The following MKX variants were observed in gnomAD, a reference collection of about 807,000 sequenced individuals.
MKX encodes the protein mohawk homeobox.
MKX carries 13 observed loss-of-function variants against 36.0 expected under a neutral mutation model. The observed-to-expected ratio is 0.36, with a 90% CI of 0.24 to 0.57. MKX has a LOEUF of 0.57. Ranked by LOEUF, MKX falls within the 20% of genes least tolerant of loss-of-function variation. The pLI is 0.79. For synonymous variants in MKX, 176 were observed against 178.3 expected, an observed-to-expected ratio of 0.99 and a Z score of 0.10; for missense variants, 458 against 456.4, an observed-to-expected ratio of 1.00 and a Z score of -0.03.
At chr10:27,694,271 G>A (rs1228105591) in intron 5 of MKX, among the ~76,000 whole-genome samples, 1 of 152,062 alleles carries the variant, frequency 6.6e-6, no homozygotes, top group Non-Finnish European at 1.5e-5. Flanking sequence ...GCAGAAAGCT[G>A]TGCAAAAGAG....
chr10:27,687,007 CTCT>C (rs748521027), intron 5 of MKX, among the ~76,000 whole-genome samples: 61 of 69,870 alleles, frequency 8.7e-4, no homozygotes, highest in Non-Finnish European at 3.8e-3. Context: ...CCACACCTCT[CTCT>C]TTTTTTTTTT....
intron 5 of MKX, among the ~76,000 whole-genome samples, chr10:27,717,006 G>A (rs1386731387): frequency 6.6e-6 from 1 of 152,152 alleles, no homozygotes; most frequent in Non-Finnish European, 1.5e-5. Flanking sequence ...AGTCAGAGAG[G>A]TTCAAGCCTG....
chr10:27,697,253 ACAATGTAT>A (rs1194551710), intron 5 of MKX, among the ~76,000 whole-genome samples: 1 of 152,218 alleles, frequency 6.6e-6, no homozygotes, highest in Admixed American at 6.5e-5. Flanking sequence ...TAATCACATT[ACAATGTAT>A]CTGAAATTAT....
In MKX at chr10:27,744,592, C is replaced by T. The variant is rs1589704278; in HGVS notation, c.-82-1095G>A. On this transcript the variant is annotated intron_variant, in intron 1 of 6. Coordinates refer to ENST00000419761, the MANE Select transcript of MKX (RefSeq NM_173576.3). The surrounding 1 kb of genome is among the most constrained non-coding windows in gnomAD (Gnocchi z 5.6). ...GGACTTCGCCCGCCCCATCTCCTCG[C>T]CTCGCGCCTCGGGACAGCTCCCGTT... 6.6e-6 allele frequency among the ~76,000 whole-genome samples: 1 copy of T among 152,154 alleles called. No individual in the cohort carries two copies. The highest frequency in any genetic ancestry group is 2.4e-5 in the African/African-American group (1 of 41,446).
Position 27,696,840 on chromosome 10 carries a change from A to G in MKX, c.839-21286T>C, listed in dbSNP as rs563520224. Among the ~76,000 whole-genome samples, 48 of 152,270 alleles carry G rather than the reference A, an allele frequency of 3.2e-4. 1 individual carries two copies. In the South Asian group the frequency reaches 1.0e-2, roughly 32 times the overall value. On this transcript the variant is annotated intron_variant, in intron 5 of 6. Transcript: ENST00000419761. The stretch of plus-strand genomic sequence containing the variant: ...GCTTGGAGACAAGTTTTAAATGTAA[A>G]GGTTCTTACTCAAGAAGAGTATGGC...
At chr10:27,699,369 T>C (rs5024546) in intron 5 of MKX, among the ~76,000 whole-genome samples, 16,952 of 151,974 alleles carry the variant, frequency 0.11, 1,061 homozygotes, top group East Asian at 0.29. Context: ...AAAAGAAACA[T>C]GTATGTTAAA....
chr10:27,739,631 C>T (rs11006695), intron 3 of MKX, among the ~76,000 whole-genome samples: 16,370 of 152,028 alleles, frequency 0.11, 1,035 homozygotes, highest in East Asian at 0.3. Flanking sequence ...AAAACCACTA[C>T]ATAAGAAAGT....
In MKX at chr10:27,675,268, T is replaced by C; in HGVS notation, c.1020A>G (p.Glu340=). The C allele has an allele frequency of 6.2e-7, 1 of 1,614,150 alleles. No homozygotes were observed. The highest frequency in any genetic ancestry group is 8.5e-7 in the Non-Finnish European group (1 of 1,180,014). The part of the protein sequence containing the change: ...CIIQKSSHIA[E]VKTVKVPLVQ... ...CCAGCGGCACTTTGACAGTCTTTAC[T>C]TCTGCTATATGGGACGACTTCTGGA... The change falls in exon 7 of 7, where the codon GAA becomes GAG. Residue 340 remains glutamate (E), a synonymous_variant. Transcript: ENST00000419761.
At chr10:27,695,866 G>C (rs1836544633) in intron 5 of MKX, among the ~76,000 whole-genome samples, 1 of 152,198 alleles carries the variant, frequency 6.6e-6, no homozygotes, top group Admixed American at 6.5e-5. Context: ...TGTGGGACAA[G>C]GGCTGGAAGC....
intron 5 of MKX, among the ~76,000 whole-genome samples, chr10:27,692,872 T>A (rs958171522): frequency 4.6e-5 from 7 of 152,182 alleles, no homozygotes; most frequent in African/African-American, 1.4e-4. Context: ...GCGAGGTAGC[T>A]GGAGCTACAT....
At chr10:27,723,776 T>G (rs994128693) in intron 5 of MKX, among the ~76,000 whole-genome samples, 2 of 152,170 alleles carry the variant, frequency 1.3e-5, no homozygotes, top group Non-Finnish European at 2.9e-5. Context: ...GACTCTGAAT[T>G]TTGGCCCTTA....
chr10:27,743,381 G>A lies in MKX; in HGVS notation c.35C>T (p.Ala12Val), dbSNP rs1834963649. 1.3e-6 allele frequency: 2 copies of A among 1,569,604 alleles called. No homozygotes were observed. The highest frequency in any genetic ancestry group is 1.7e-6 in the Non-Finnish European group (2 of 1,160,606). Residue 12 changes from alanine to valine, a missense_variant, in exon 2 of 7, where the codon GCG becomes GTG. Transcript: ENST00000419761. Reference protein sequence around the residue: ...NTIVFNKLSGAVLFEDGGASE... With the variant: ...NTIVFNKLSGVVLFEDGGASE... ...GGCGCCTCCGTCCTCAAACAGCACC[G>A]CACCGCTGAGCTTGTTGAAGACGAT...
intron 5 of MKX, among the ~76,000 whole-genome samples, chr10:27,710,123 G>C (rs887973351): frequency 1.3e-5 from 2 of 152,138 alleles, no homozygotes; most frequent in African/African-American, 4.8e-5. Context: ...GGGCTCTCTA[G>C]GCAGAATGAA....
chr10:27,686,375 AG>A (rs1375397027), intron 5 of MKX, among the ~76,000 whole-genome samples: 1 of 133,000 alleles, frequency 7.5e-6, no homozygotes, highest in Non-Finnish European at 1.5e-5. Context: ...AAAGAAAGAA[AG>A]GGAAGGGAAG....
At chr10:27,690,129 T>C (rs1440737997) in intron 5 of MKX, among the ~76,000 whole-genome samples, 1 of 152,116 alleles carries the variant, frequency 6.6e-6, no homozygotes, top group African/African-American at 2.4e-5. Context: ...TCCCAGCACT[T>C]TGGGAGGCCG....
At chr10:27,692,596 T>C (rs1360461094) in intron 5 of MKX, among the ~76,000 whole-genome samples, 1 of 152,184 alleles carries the variant, frequency 6.6e-6, no homozygotes, top group East Asian at 1.9e-4. Flanking sequence ...TCTTAATCTT[T>C]CCTTTGGGAA....
At position 27,687,604 on chromosome 10, in the gene MKX, G is replaced by A. The variant is rs149975179; in HGVS notation, c.839-12050C>T. Among the ~76,000 whole-genome samples the A allele has an allele frequency of 7.9e-5, 12 of 152,256 alleles. No homozygotes were observed. In the East Asian group the frequency reaches 2.1e-3, roughly 27 times the overall value. ...CTGGGCCAGTGGAGGTGCAGGAAGC[G>A]GGACTTGCAACTTAAAAGTAGCTTT... On this transcript the variant is annotated intron_variant, in intron 5 of 6. Transcript: ENST00000419761.
At chr10:27,706,545 C>CTGTGTGTGTGTGTGTG in intron 5 of MKX, among the ~76,000 whole-genome samples, 1 of 144,988 alleles carries the variant, frequency 6.9e-6, no homozygotes, top group South Asian at 2.3e-4. Context: ...TCGTTAATTC[C>CTGTGTGTGTGTGTGTG]TGTGTGTGTG....
chr10:27,743,550 C>T, intron 1 of MKX, 53 bp from the exon 2 acceptor site: 11 of 1,002,352 alleles, frequency 1.1e-5, no homozygotes, highest in African/African-American at 1.7e-5. Flanking sequence ...GCTCAGACCC[C>T]TGCAGGTTCA....
Sources: gnomAD v4.1 joint callset for allele counts (sites outside exome capture counted in the v4.1 genomes callset) on GRCh38, gnomAD v4.1.1 for gene constraint, Gnocchi (gnomAD v3.1) non-coding constraint, MANE v1.5 for transcripts, NCBI Gene and HGNC (gene_info 2026-07-23, HGNC 2026-07-21) for gene names.